Variants in KLHL4 observed in about 807,000 individuals in gnomAD.
KLHL4 encodes the protein kelch-like protein 4.
In KLHL4, 17 loss-of-function variants were observed where a neutral mutation model predicts 45.8. That is an observed-to-expected ratio of 0.37 (90% CI 0.25 to 0.56). The LOEUF is 0.56. Ranked by LOEUF, KLHL4 falls within the 20% of genes least tolerant of loss-of-function variation. The pLI, the probability that KLHL4 is intolerant of heterozygous loss-of-function variation, is 0.79. For synonymous variants in KLHL4, 224 were observed against 189.9 expected, an observed-to-expected ratio of 1.18 and a Z score of -1.47; for missense variants, 544 against 544.9, an observed-to-expected ratio of 1.00 and a Z score of 0.02.
chrX:87,527,008 G>T (rs537572723), intron 1 of KLHL4, among the ~76,000 whole-genome samples: 3 of 111,747 alleles, frequency 2.7e-5, no homozygotes, highest in African/African-American at 9.7e-5. Context: ...AGACAATGAA[G>T]AATCAGTGAA....
intron 9 of KLHL4, among the ~76,000 whole-genome samples, chrX:87,644,362 C>G (rs763188997): frequency 2.5e-4 from 28 of 110,416 alleles, no homozygotes; most frequent in Admixed American, 1.5e-3. Context: ...GTCAAAAGAC[C>G]TCTACAAGGA....
chrX:87,584,882 A>C (rs1363202751), intron 1 of KLHL4, among the ~76,000 whole-genome samples: 1 of 109,532 alleles, frequency 9.1e-6, no homozygotes, highest in Non-Finnish European at 1.9e-5. Flanking sequence ...AAAGTTATAG[A>C]ACATCAAGTA....
At position 87,635,850 on chromosome X, in the gene KLHL4, C is replaced by T. The variant is rs1319760767; in HGVS notation, c.1925+75C>T. ...TTTTAGAAATAGAAAGATTTTTTTT[C>T]TTTTAAATGGAAATCAGTTTAGTTC... On this transcript the variant is annotated intron_variant, in intron 9 of 10. Coordinates refer to ENST00000373119, the MANE Select transcript of KLHL4 (RefSeq NM_019117.5). 3.9e-5 allele frequency: 30 copies of T among 771,582 alleles called. No homozygotes were observed. In the Admixed American group the frequency reaches 9.8e-4, roughly 25 times the overall value. 63.6% of individuals were successfully genotyped at this position (771,582 alleles called of 1,213,427 possible). A position where few individuals can be genotyped will look rare whatever the true frequency, so the allele number is the denominator to read the frequency against.
intron 9 of KLHL4, among the ~76,000 whole-genome samples, chrX:87,653,536 T>C (rs1923889262): frequency 8.9e-6 from 1 of 111,833 alleles, no homozygotes; most frequent in Non-Finnish European, 1.9e-5. Flanking sequence ...GGTGGGAATG[T>C]AAAATTAGTT....
At chrX:87,593,570 G>C (rs1007203170) in intron 1 of KLHL4, among the ~76,000 whole-genome samples, 1 of 111,131 alleles carries the variant, frequency 9.0e-6, no homozygotes, top group Non-Finnish European at 1.9e-5. Flanking sequence ...CTCTTTTGCT[G>C]TATTTTCTAC....
At chrX:87,566,476 T>C (rs948356925) in intron 1 of KLHL4, among the ~76,000 whole-genome samples, 1 of 111,932 alleles carries the variant, frequency 8.9e-6, no homozygotes, top group African/African-American at 3.2e-5. Context: ...GCTCAGAACA[T>C]TTACATTAGC....
intron 1 of KLHL4, among the ~76,000 whole-genome samples, chrX:87,554,975 G>T (rs1329972828): frequency 8.5e-5 from 9 of 105,283 alleles, no homozygotes; most frequent in South Asian, 8.9e-4. Flanking sequence ...ATTGAGATAA[G>T]CATGTGGTTT....
intron 9 of KLHL4, among the ~76,000 whole-genome samples, chrX:87,651,503 C>T (rs1401289525): frequency 8.9e-6 from 1 of 112,483 alleles, no homozygotes; most frequent in Admixed American, 9.4e-5. Context: ...AGTGGTGGTA[C>T]AGGCATTGAG....
chrX:87,595,149 T>A (rs767180800), intron 1 of KLHL4, among the ~76,000 whole-genome samples: 3 of 110,634 alleles, frequency 2.7e-5, no homozygotes, highest in Non-Finnish European at 5.7e-5. Context: ...TAGGTATATC[T>A]CCTAATGCTA....
chrX:87,521,522 G>A (rs1931000771), intron 1 of KLHL4, among the ~76,000 whole-genome samples: 1 of 111,331 alleles, frequency 9.0e-6, no homozygotes, highest in African/African-American at 3.3e-5. Context: ...TAATATTTAG[G>A]TGATTATAAA....
At chrX:87,648,989 G>A (rs1314201680) in intron 9 of KLHL4, among the ~76,000 whole-genome samples, 3 of 111,601 alleles carry the variant, frequency 2.7e-5, no homozygotes, top group Non-Finnish European at 5.7e-5. Flanking sequence ...GTTAGCATAA[G>A]CAATAAACAA....
chrX:87,645,628 T>G (rs1249865696), intron 9 of KLHL4, among the ~76,000 whole-genome samples: 1 of 111,598 alleles, frequency 9.0e-6, no homozygotes, highest in Non-Finnish European at 1.9e-5. Context: ...CAATTCACAC[T>G]TGCAAAACTG....
chrX:87,550,940 G>T (rs770238371), intron 1 of KLHL4, among the ~76,000 whole-genome samples: 3 of 110,596 alleles, frequency 2.7e-5, no homozygotes, highest in Non-Finnish European at 5.7e-5. Context: ...TCTGAGAACC[G>T]GAAAAAGACA....
intron 9 of KLHL4, among the ~76,000 whole-genome samples, chrX:87,659,959 A>AGTGT (rs113545604): frequency 0.33 from 34,161 of 103,197 alleles, 4,458 homozygotes; most frequent in Middle Eastern, 0.39. Flanking sequence ...TGCGCGTATG[A>AGTGT]GTGTGTGTGT....
intron 6 of KLHL4, among the ~76,000 whole-genome samples, chrX:87,631,971 AC>A (rs1444824710): frequency 8.9e-6 from 1 of 111,989 alleles, no homozygotes; most frequent in Non-Finnish European, 1.9e-5. Context: ...AAGGGTATAA[AC>A]CAAACATATT....
At chrX:87,609,753 C>T (rs931378749) in intron 1 of KLHL4, among the ~76,000 whole-genome samples, 56 of 111,651 alleles carry the variant, frequency 5.0e-4, no homozygotes, top group African/African-American at 1.8e-3. Context: ...TGTGCAGAAG[C>T]TCTTTAGTTT....
At chrX:87,587,149 G>GAAAAAA (rs1921503720) in intron 1 of KLHL4, among the ~76,000 whole-genome samples, 1 of 18,690 alleles carries the variant, frequency 5.4e-5, no homozygotes, top group Non-Finnish European at 8.9e-5. Context: ...ATAAAATAAA[G>GAAAAAA]CAAAAAAAAA....
chrX:87,605,896 A>G (rs1922179401), intron 1 of KLHL4, among the ~76,000 whole-genome samples: 1 of 111,616 alleles, frequency 9.0e-6, no homozygotes, highest in Non-Finnish European at 1.9e-5. Flanking sequence ...ACTGAGGTAC[A>G]TACAGTCTAT....
chrX:87,572,795 A>AAT (rs1468118283), intron 1 of KLHL4, among the ~76,000 whole-genome samples: 23 of 42,516 alleles, frequency 5.4e-4, no homozygotes, highest in Non-Finnish European at 8.0e-4. Context: ...AAAGTATAAT[A>AAT]AAAAAAAAAA....
Sources: gnomAD v4.1 joint callset for allele counts (sites outside exome capture counted in the v4.1 genomes callset) on GRCh38, gnomAD v4.1.1 for gene constraint, MANE v1.5 for transcripts, NCBI Gene and HGNC (gene_info 2026-07-23, HGNC 2026-07-21) for gene names.